Variants in STARD6 observed in about 807,000 individuals in gnomAD.
STARD6 encodes StAR related lipid transfer domain containing 6.
In STARD6, 21 loss-of-function variants were observed where a neutral mutation model predicts 22.3. That is an observed-to-expected ratio of 0.94 (90% confidence interval 0.67 to 1.35). The LOEUF (loss-of-function observed/expected upper bound fraction) is 1.35. STARD6 is among the 40% of genes most tolerant of loss of function. STARD6 has a pLI of 0.00. For missense variants in STARD6, 269 were observed against 266.9 expected (o/e 1.01, Z -0.05); for synonymous variants, 80 against 88.1 (o/e 0.91, Z 0.52).
Position 54,324,776 on chromosome 18 carries a change from T to C in STARD6, c.579A>G (p.Val193=). The change falls in exon 8 of 8, where the codon GTA becomes GTG. Residue 193 remains valine (V), a synonymous_variant. Coordinates refer to ENST00000307844, the MANE Select transcript of STARD6 (RefSeq NM_139171.2). ...CATCTTTTGCATTGAGGATGAAGTT[T>C]ACTAAGTTGGAAGGCATGGTTTTTT... The part of the protein sequence containing the change: ...IIEKTMPSNL[V]NFILNAKDGI... The C allele has an allele frequency of 1.2e-6, 2 of 1,611,294 alleles. No homozygotes were observed. The highest frequency in any genetic ancestry group is 1.7e-6 in the Non-Finnish European group (2 of 1,178,986).
At chr18:54,343,420 G>A (rs1479622177) in intron 4 of STARD6, among the ~76,000 whole-genome samples, 3 of 140,292 alleles carry the variant, frequency 2.1e-5, no homozygotes, top group Non-Finnish European at 3.1e-5. Flanking sequence ...AGGGAGGTGG[G>A]GGGGTCAGCC....
intron 4 of STARD6, among the ~76,000 whole-genome samples, chr18:54,350,547 A>C (rs1437572920): frequency 3.3e-5 from 5 of 151,168 alleles, no homozygotes; most frequent in Non-Finnish European, 5.9e-5. Context: ...TTCGTCATGA[A>C]CTCTTTGCCT....
chr18:54,354,741 T>C (rs2089129408), intron 2 of STARD6, among the ~76,000 whole-genome samples, 164 bp from the exon 3 acceptor site: 1 of 152,272 alleles, frequency 6.6e-6, no homozygotes, highest in African/African-American at 2.4e-5. Flanking sequence ...CCTTACAGTC[T>C]TTCAAATGAG....
intron 7 of STARD6, among the ~76,000 whole-genome samples, chr18:54,327,710 C>T (rs1181126653): frequency 6.6e-6 from 1 of 151,960 alleles, no homozygotes; most frequent in Non-Finnish European, 1.5e-5. Flanking sequence ...TAAAAATGTG[C>T]AAGAGAGAAT....
intron 4 of STARD6, among the ~76,000 whole-genome samples, chr18:54,350,096 C>T (rs2089081517): frequency 6.6e-6 from 1 of 152,150 alleles, no homozygotes; most frequent in African/African-American, 2.4e-5. Context: ...TTTACCTTCC[C>T]ACCAACAGTG....
At chr18:54,334,170 CTCTA>C (rs1301266893) in intron 5 of STARD6, among the ~76,000 whole-genome samples, 2 of 152,156 alleles carry the variant, frequency 1.3e-5, no homozygotes, top group African/African-American at 2.4e-5. Flanking sequence ...GCCCTATTGA[CTCTA>C]TATATCTTTG....
At chr18:54,355,862 G>C (rs1227152415) in intron 2 of STARD6, 1 of 152,214 alleles carries the variant, frequency 6.6e-6, no homozygotes, top group Non-Finnish European at 1.5e-5. Flanking sequence ...TGGCAGGTAA[G>C]GTGAAAACAG....
intron 6 of STARD6, 151 bp downstream of exon 6, chr18:54,331,591 A>G (rs900799542): frequency 1.5e-5 from 9 of 591,414 alleles, no homozygotes; most frequent in African/African-American, 1.5e-4. Flanking sequence ...CACTAGGCAT[A>G]TCTACATGAT....
At chr18:54,335,854 A>G (rs2088906333) in intron 5 of STARD6, among the ~76,000 whole-genome samples, 1 of 152,114 alleles carries the variant, frequency 6.6e-6, no homozygotes, top group Non-Finnish European at 1.5e-5. Flanking sequence ...CCATGACTGT[A>G]AATTTCCTGA....
chr18:54,357,378 C>A (rs546964050), intron 1 of STARD6, among the ~76,000 whole-genome samples: 1 of 152,244 alleles, frequency 6.6e-6, no homozygotes, highest in East Asian at 1.9e-4. Flanking sequence ...TGGCTAAACT[C>A]GGGTCTCCAA....
rs1241095322 is a variant in STARD6 at position 54,324,568 on chromosome 18, T to C, written c.*124A>G. The C allele has an allele frequency of 3.7e-6, 3 of 818,482 alleles. No individual in the cohort carries two copies. In the African/African-American group the frequency reaches 5.4e-5, roughly 15 times the overall value. 50.7% of individuals were successfully genotyped at this position (818,482 alleles called of 1,614,324 possible). A position where few individuals can be genotyped will look rare whatever the true frequency, so the allele number is the denominator to read the frequency against. On this transcript the variant is annotated 3_prime_UTR_variant, in exon 8 of 8. Transcript: ENST00000307844. ...TATTTTTATGAACTATCTTCAGCCA[T>C]GTGTACAAGAATACTGTCTAGAATA...
chr18:54,340,466 TA>T (rs2088959872), intron 4 of STARD6, among the ~76,000 whole-genome samples: 1 of 151,988 alleles, frequency 6.6e-6, no homozygotes. Flanking sequence ...ACCTACTTAA[TA>T]CAAAAGAAGA....
intron 4 of STARD6, among the ~76,000 whole-genome samples, chr18:54,341,522 C>T (rs539768869): frequency 2.5e-4 from 38 of 152,136 alleles, no homozygotes; most frequent in Non-Finnish European, 4.7e-4. Flanking sequence ...GAGAGACCAT[C>T]GTTCAGGCAA....
chr18:54,333,619 C>T (rs1018166289), intron 5 of STARD6, among the ~76,000 whole-genome samples: 2 of 152,114 alleles, frequency 1.3e-5, no homozygotes, highest in Non-Finnish European at 2.9e-5. Context: ...ATAGGAACTT[C>T]CTCTCTACAA....
intron 2 of STARD6, among the ~76,000 whole-genome samples, chr18:54,355,258 A>C (rs891273923): frequency 1.3e-5 from 2 of 152,052 alleles, no homozygotes; most frequent in African/African-American, 4.8e-5. Flanking sequence ...GTCTTCTGCA[A>C]TGTGTTCATA....
At chr18:54,351,899 G>GTTTTT (rs60888927) in intron 4 of STARD6, among the ~76,000 whole-genome samples, 23 of 70,646 alleles carry the variant, frequency 3.3e-4, no homozygotes, top group African/African-American at 1.2e-3. Flanking sequence ...ATATTGGTCC[G>GTTTTT]TTTTTTTTTT....
chr18:54,336,982 G>C (rs2144675185), intron 5 of STARD6, 143 bp downstream of exon 5: 1 of 681,298 alleles, frequency 1.5e-6, no homozygotes, highest in East Asian at 2.9e-5. Flanking sequence ...AAGTAGGGAA[G>C]TTTTAAAGCT....
At chr18:54,352,282 TTGGC>T (rs1209832755) in intron 4 of STARD6, among the ~76,000 whole-genome samples, 1 of 152,214 alleles carries the variant, frequency 6.6e-6, no homozygotes, top group Non-Finnish European at 1.5e-5. Flanking sequence ...TTCTGTGGTA[TTGGC>T]TGTAATATCT....
intron 4 of STARD6, among the ~76,000 whole-genome samples, chr18:54,344,583 T>TAAAAAAAAAAAAAAAAAAAAAAAATAA (rs55736082): frequency 1.1e-5 from 1 of 94,094 alleles, no homozygotes; most frequent in African/African-American, 4.3e-5. Context: ...AAAAATAAAT[T>TAAAAAAAAAAAAAAAAAAAAAAAATAA]AAAAAAAAAA....
Sources: allele counts gnomAD v4.1 joint callset (sites outside exome capture counted in the v4.1 genomes callset), GRCh38; gene constraint gnomAD v4.1.1; transcripts MANE v1.5; gene names NCBI Gene and HGNC (gene_info 2026-07-23, HGNC 2026-07-21).